SMIM8: variants seen among roughly 807,000 people sequenced by gnomAD.
SMIM8 encodes small integral membrane protein 8.
Under a neutral mutation model 8.1 loss-of-function variants are expected in SMIM8, and 8 were observed. The observed-to-expected ratio is 0.99, with a 90% CI of 0.58 to 1.78. The LOEUF (loss-of-function observed/expected upper bound fraction) is 1.78. Among genes scored for constraint, SMIM8 ranks in the 40% most tolerant of loss-of-function variants. The pLI, the probability that SMIM8 is intolerant of heterozygous loss-of-function variation, is 0.00. For missense variants in SMIM8, 126 were observed against 119.8 expected (o/e 1.05, Z -0.24); for synonymous variants, 45 against 39.7 (o/e 1.13, Z -0.50).
intron 2 of SMIM8, among the ~76,000 whole-genome samples, chr6:87,332,053 A>T (rs1006905721): frequency 2.6e-5 from 4 of 152,008 alleles, no homozygotes; most frequent in Non-Finnish European, 4.4e-5. Context: ...AACAAATACT[A>T]CCCTGATTAT....
chr6:87,337,700 C>T (rs181176030), intron 3 of SMIM8, among the ~76,000 whole-genome samples: 1 of 152,344 alleles, frequency 6.6e-6, no homozygotes, highest in East Asian at 1.9e-4. Flanking sequence ...ACAGTCAGCT[C>T]ACTGCAGCTT....
intron 2 of SMIM8, among the ~76,000 whole-genome samples, chr6:87,332,120 G>C (rs1451969673): frequency 2.0e-5 from 3 of 151,816 alleles, no homozygotes; most frequent in African/African-American, 7.3e-5. Flanking sequence ...AGGAGATCAA[G>C]CAATCTTACA....
At chr6:87,339,355 T>TGG (rs1777172931) in intron 3 of SMIM8, among the ~76,000 whole-genome samples, 1 of 149,752 alleles carries the variant, frequency 6.7e-6, no homozygotes, top group Non-Finnish European at 1.5e-5. Flanking sequence ...TGTGTGTGTG[T>TGG]GTGTGTGTGT....
At chr6:87,339,968 GA>G in intron 3 of SMIM8, 147 bp from the exon 4 acceptor site, 1 of 584,270 alleles carries the variant, frequency 1.7e-6, no homozygotes, top group Non-Finnish European at 2.8e-6. Flanking sequence ...ATAAAGAACT[GA>G]ATAAATGATT....
At chr6:87,333,160 G>A (rs1777028725) in intron 2 of SMIM8, among the ~76,000 whole-genome samples, 1 of 152,194 alleles carries the variant, frequency 6.6e-6, no homozygotes, top group Non-Finnish European at 1.5e-5. Context: ...GGCATGTGCA[G>A]AGATCACATG....
intron 1 of SMIM8, among the ~76,000 whole-genome samples, chr6:87,325,284 C>T (rs1776789106): frequency 6.8e-6 from 1 of 146,612 alleles, no homozygotes; most frequent in African/African-American, 2.6e-5. Context: ...ATTGCCCTGG[C>T]CAGAACTTCC....
intron 2 of SMIM8, among the ~76,000 whole-genome samples, chr6:87,335,837 G>A (rs1462692297): frequency 3.7e-5 from 4 of 107,466 alleles, no homozygotes; most frequent in Admixed American, 1.2e-4. Context: ...GCGAGACCCC[G>A]TCCCTACCAA....
chr6:87,336,850 T>G (rs1245684629), intron 2 of SMIM8, among the ~76,000 whole-genome samples, 159 bp from the exon 3 acceptor site: 3 of 152,166 alleles, frequency 2.0e-5, no homozygotes, highest in African/African-American at 7.2e-5. Context: ...TAAAGCACCA[T>G]TTACAAAGTA....
At chr6:87,339,071 A>G (rs1207496829) in intron 3 of SMIM8, among the ~76,000 whole-genome samples, 1 of 152,060 alleles carries the variant, frequency 6.6e-6, no homozygotes, top group African/African-American at 2.4e-5. Flanking sequence ...GGCTCACACC[A>G]AGGTGGGCGG....
In SMIM8 at chr6:87,341,568, G is replaced by C. The variant is rs950960931; in HGVS notation, c.*1294G>C. Reference sequence around the variant, plus strand: ...TTACCTCTGAAGTCTTGCTTCAGTCGCTATTAATATTACCAAGTAATAATA... The same window carrying C: ...TTACCTCTGAAGTCTTGCTTCAGTCCCTATTAATATTACCAAGTAATAATA... On this transcript the variant is annotated 3_prime_UTR_variant, in exon 4 of 4. Transcript: ENST00000392863. 1 of 340,000 alleles carries C rather than the reference G, an allele frequency of 2.9e-6. No individual in the cohort carries two copies. The highest frequency in any genetic ancestry group is 5.3e-6 in the Non-Finnish European group (1 of 190,250). The allele number at this position is 340,000 out of a possible 1,614,324, so 21.1% of individuals were successfully genotyped here.
intron 3 of SMIM8, among the ~76,000 whole-genome samples, chr6:87,339,736 A>C (rs1023790294): frequency 6.6e-6 from 1 of 152,112 alleles, no homozygotes; most frequent in African/African-American, 2.4e-5. Flanking sequence ...AAATGGAGAG[A>C]CTTGGGCCCA....
chr6:87,331,993 A>G (rs1777005256), intron 2 of SMIM8, among the ~76,000 whole-genome samples: 1 of 152,182 alleles, frequency 6.6e-6, no homozygotes, highest in African/African-American at 2.4e-5. Context: ...AGAGTTTAAC[A>G]TAAACAGTGA....
intron 1 of SMIM8, among the ~76,000 whole-genome samples, chr6:87,327,424 T>G (rs1449652357): frequency 6.6e-6 from 1 of 152,224 alleles, no homozygotes; most frequent in Non-Finnish European, 1.5e-5. Flanking sequence ...AGTGCTTCCT[T>G]CAGGAGCTCT....
chr6:87,338,335 A>G (rs954285186), intron 3 of SMIM8, among the ~76,000 whole-genome samples: 1 of 152,212 alleles, frequency 6.6e-6, no homozygotes, highest in Non-Finnish European at 1.5e-5. Flanking sequence ...CCTGGGAAAC[A>G]CTTCAGAGTA....
intron 3 of SMIM8, among the ~76,000 whole-genome samples, chr6:87,338,232 C>A (rs1226248868): frequency 2.0e-5 from 3 of 152,078 alleles, no homozygotes; most frequent in Non-Finnish European, 4.4e-5. Flanking sequence ...AAGTTTGACC[C>A]TTATTTTGAA....
chr6:87,334,165 G>T (rs1298742588), intron 2 of SMIM8, among the ~76,000 whole-genome samples: 1 of 152,176 alleles, frequency 6.6e-6, no homozygotes, highest in African/African-American at 2.4e-5. Flanking sequence ...CTGCTCCCAT[G>T]ATCCAAATGC....
rs1777206726 is a variant in SMIM8, at chr6:87,340,574, GC to G, written c.*301del. 5.3e-6 allele frequency: 1 copy of G among 188,984 alleles called. No individual in the cohort carries two copies. The highest frequency in any genetic ancestry group is 1.1e-5 in the Non-Finnish European group (1 of 92,932). The allele number at this position is 188,984 out of a possible 1,614,324, so 11.7% of individuals were successfully genotyped here. Reference sequence around the variant, plus strand: ...AATTCTGTATAATAAAAGTACCCATGCTGTTAAATTTGCATGATGTTTTAAA... The same window carrying G: ...AATTCTGTATAATAAAAGTACCCATGTGTTAAATTTGCATGATGTTTTAAA... On this transcript the variant is annotated 3_prime_UTR_variant, in exon 4 of 4. Coordinates refer to ENST00000392863, the MANE Select transcript of SMIM8 (RefSeq NM_001042493.3).
At chr6:87,333,663 A>G (rs560435724) in intron 2 of SMIM8, among the ~76,000 whole-genome samples, 1 of 152,332 alleles carries the variant, frequency 6.6e-6, no homozygotes, top group South Asian at 2.1e-4. Context: ...CATTGTTCAC[A>G]TTTTTGAAAG....
intron 1 of SMIM8, among the ~76,000 whole-genome samples, chr6:87,324,663 G>A (rs1776770626): frequency 6.6e-6 from 1 of 150,616 alleles, no homozygotes; most frequent in Middle Eastern, 3.4e-3. Flanking sequence ...TGCTGTTTTG[G>A]TTACTGTAGC....
Sources: gnomAD v4.1 joint callset for allele counts (sites outside exome capture counted in the v4.1 genomes callset) on GRCh38, gnomAD v4.1.1 for gene constraint, MANE v1.5 for transcripts, NCBI Gene and HGNC (gene_info 2026-07-23, HGNC 2026-07-21) for gene names.